The following ASTN2 variants were observed in gnomAD, a reference collection of about 807,000 sequenced individuals.
The protein encoded by ASTN2 is astrotactin-2.
A neutral mutation model predicts 139.8 loss-of-function variants in ASTN2; 54 were observed. That is an observed-to-expected ratio of 0.39 (90% CI 0.31 to 0.48). The LOEUF (loss-of-function observed/expected upper bound fraction) is 0.48. Among genes scored for constraint, ASTN2 ranks in the 20% least tolerant of loss-of-function variants. The pLI, the probability that ASTN2 is intolerant of heterozygous loss-of-function variation, is 0.95. For synonymous variants in ASTN2, 756 were observed against 719.5 expected (o/e 1.05, Z -0.81); for missense variants, 1,565 against 1,725.1 (o/e 0.91, Z 1.64).
chr9:117,041,458 T>C (rs867164928), intron 5 of ASTN2, among the ~76,000 whole-genome samples: 8 of 152,200 alleles, frequency 5.3e-5, no homozygotes, highest in Non-Finnish European at 8.8e-5. Context: ...GAAACTGAGA[T>C]GTCACCTTTG....
intron 20 of ASTN2, among the ~76,000 whole-genome samples, chr9:116,479,645 A>G (rs181082747): frequency 6.6e-6 from 1 of 152,314 alleles, no homozygotes; most frequent in African/African-American, 2.4e-5. Context: ...AGGGGTCCTC[A>G]TGCAGACCCC....
chr9:116,725,862 G>T lies in ASTN2; in HGVS notation c.2715C>A (p.Ile905=). Residue 905 remains isoleucine, a synonymous_variant, in exon 16 of 23, where the codon ATC becomes ATA. Coordinates refer to ENST00000313400, the MANE Select transcript of ASTN2 (RefSeq NM_001365068.1). Reference sequence around the variant, plus strand: ...GCTCTGAGCCATAGAGGGCCTCTGCGATGTAGTGGGAGCCATAGTGCTGGA... The same window carrying T: ...GCTCTGAGCCATAGAGGGCCTCTGCTATGTAGTGGGAGCCATAGTGCTGGA... The part of the protein sequence containing the change: ...SFIQHYGSHY[I]AEALYGSELT... 1 of 1,614,042 alleles carries T rather than the reference G, an allele frequency of 6.2e-7. No individual in the cohort carries two copies. Among genetic ancestry groups the T allele is most frequent in the African/African-American group, 1.3e-5 (1 of 75,036 alleles).
chr9:117,412,007 T>G, intron 1 of ASTN2, among the ~76,000 whole-genome samples: 1 of 92,764 alleles, frequency 1.1e-5, no homozygotes, highest in Non-Finnish European at 2.1e-5. Flanking sequence ...ACCTCACCCC[T>G]CCCCCCCCCA....
At chr9:117,101,667 T>C (rs1828981895) in intron 4 of ASTN2, among the ~76,000 whole-genome samples, 1 of 152,192 alleles carries the variant, frequency 6.6e-6, no homozygotes, top group Admixed American at 6.5e-5. Context: ...ATTTTATTGG[T>C]GGACAAATAA....
chr9:116,698,865 G>T lies in ASTN2; in HGVS notation c.2806+26906C>A. On this transcript the variant is annotated intron_variant, in intron 16 of 22. Coordinates refer to ENST00000313400, the MANE Select transcript of ASTN2 (RefSeq NM_001365068.1). This position sits in a 1 kb window ranked among gnomAD's most constrained non-coding sequence, Gnocchi z 4.4. The stretch of plus-strand genomic sequence containing the variant: ...CACTCCAGGAATGTTCAATCTTCCA[G>T]TCAGTCTCTACGTGACCAGTCAAGG... 1 of 1,614,248 alleles carries T rather than the reference G, an allele frequency of 6.2e-7. No homozygotes were observed. Among genetic ancestry groups the T allele is most frequent in the South Asian group, 1.1e-5 (1 of 91,084 alleles).
In ASTN2 at chr9:116,646,493, C is replaced by T. The variant is rs534281128; in HGVS notation, c.3072+5035G>A. On this transcript the variant is annotated intron_variant, in intron 17 of 22. Transcript: ENST00000313400. ...GTTGGAGAAAAAATGATAAACAAAA[C>T]GAGAGTAGCTGCTTTTTCTTCCCAC... is the stretch of plus-strand genomic sequence containing the variant. Among the ~76,000 whole-genome samples the T allele has an allele frequency of 6.6e-5, 10 of 152,176 alleles. No individual in the cohort carries two copies. In the East Asian group the frequency reaches 1.4e-3, roughly 21 times the overall value.
chr9:117,077,704 T>A (rs1021914175), intron 5 of ASTN2, among the ~76,000 whole-genome samples: 14 of 152,088 alleles, frequency 9.2e-5, no homozygotes, highest in Non-Finnish European at 1.3e-4. Flanking sequence ...GCTAAGATAG[T>A]GCCACTGCAC....
intron 6 of ASTN2, among the ~76,000 whole-genome samples, chr9:117,033,731 G>C (rs1290414491): frequency 3.9e-5 from 6 of 152,050 alleles, no homozygotes; most frequent in Non-Finnish European, 7.4e-5. Flanking sequence ...TGGGGGCTCA[G>C]GTAGGCTTAA....
chr9:117,177,474 G>A (rs1176043818), intron 3 of ASTN2, among the ~76,000 whole-genome samples: 1 of 152,288 alleles, frequency 6.6e-6, no homozygotes. Context: ...AAGTAAGATG[G>A]TCCAGGTGTG....
chr9:116,743,412 G>A (rs953959238), intron 13 of ASTN2, among the ~76,000 whole-genome samples: 4 of 152,132 alleles, frequency 2.6e-5, no homozygotes, highest in African/African-American at 7.2e-5. Context: ...TTAGCCAGGC[G>A]TGGTGGCGGA....
intron 13 of ASTN2, among the ~76,000 whole-genome samples, chr9:116,790,452 C>A (rs889252845): frequency 6.6e-6 from 1 of 152,024 alleles, no homozygotes; most frequent in Non-Finnish European, 1.5e-5. Flanking sequence ...CCCATCCCTC[C>A]ACCCCTTCAT....
At chr9:117,254,658 A>G (rs1326316502) in intron 2 of ASTN2, among the ~76,000 whole-genome samples, 1 of 152,218 alleles carries the variant, frequency 6.6e-6, no homozygotes, top group Non-Finnish European at 1.5e-5. Flanking sequence ...AAATACAGAC[A>G]GTTGTATATA....
intron 8 of ASTN2, 146 bp from the exon 9 acceptor site, chr9:116,976,334 A>G: frequency 1.5e-6 from 1 of 662,646 alleles, no homozygotes; most frequent in East Asian, 2.7e-5. Flanking sequence ...TTATAAAAGA[A>G]TGTCTCCAAT....
rs371015742 is a variant in ASTN2, at chr9:116,454,155, G to A, written c.3498-11602C>T. Among the ~76,000 whole-genome samples, 5 of 152,204 alleles carry A rather than the reference G, an allele frequency of 3.3e-5. No individual in the cohort carries two copies. In the East Asian group the frequency reaches 7.7e-4, roughly 24 times the overall value. ...ACACTGACAATGAATTCTATAAGGT[G>A]GTGTTATCATTATAGAATTTGTCTG... On this transcript the variant is annotated intron_variant, in intron 20 of 22. Coordinates refer to ENST00000313400, the MANE Select transcript of ASTN2 (RefSeq NM_001365068.1).
At chr9:117,230,291 T>C (rs764447798) in intron 2 of ASTN2, among the ~76,000 whole-genome samples, 1 of 151,734 alleles carries the variant, frequency 6.6e-6, no homozygotes, top group African/African-American at 2.4e-5. Flanking sequence ...AGGGCCAAGC[T>C]CCCTCCAAAG....
intron 3 of ASTN2, among the ~76,000 whole-genome samples, chr9:117,180,053 G>C (rs1425188359): frequency 6.6e-6 from 1 of 152,182 alleles, no homozygotes; most frequent in East Asian, 1.9e-4. Context: ...CCCATTTCCA[G>C]ATCAGTGCTG....
chr9:116,548,480 T>TTC (rs1852201267), intron 19 of ASTN2, among the ~76,000 whole-genome samples: 1 of 147,660 alleles, frequency 6.8e-6, no homozygotes, highest in South Asian at 2.1e-4. Context: ...TGTTGTTGTT[T>TTC]TGATTTTTTG....
chr9:116,976,654 A>G, intron 8 of ASTN2, 47 bp downstream of exon 8: 1 of 1,547,366 alleles, frequency 6.5e-7, no homozygotes, highest in Non-Finnish European at 8.9e-7. Flanking sequence ...AGAGGAGGTA[A>G]AAGTGGGTCC....
chr9:116,670,239 A>T (rs1054233846), intron 16 of ASTN2, among the ~76,000 whole-genome samples: 2 of 152,240 alleles, frequency 1.3e-5, no homozygotes, highest in African/African-American at 4.8e-5. Flanking sequence ...TAGTATTGTC[A>T]AACTATGTAA....
Sources: allele counts gnomAD v4.1 joint callset (sites outside exome capture counted in the v4.1 genomes callset), GRCh38; gene constraint gnomAD v4.1.1; non-coding constraint Gnocchi (gnomAD v3.1); transcripts MANE v1.5; gene names NCBI Gene and HGNC (gene_info 2026-07-23, HGNC 2026-07-21).